SRGAP3: variants seen among roughly 807,000 people sequenced by gnomAD.
SRGAP3 encodes the protein SLIT-ROBO Rho GTPase activating protein 3, also known as SLIT-ROBO Rho GTPase-activating protein 3.
Under a neutral mutation model 121.1 loss-of-function variants are expected in SRGAP3, and 39 were observed. The observed-to-expected ratio is 0.32, with a 90% CI of 0.25 to 0.42. SRGAP3 has a LOEUF of 0.42. SRGAP3 is among the 10% of genes least tolerant of loss of function. The pLI is 1.00. For missense variants in SRGAP3, 1,213 were observed against 1,470.6 expected, an observed-to-expected ratio of 0.82 and a Z score of 2.86; for synonymous variants, 601 against 570.0, an observed-to-expected ratio of 1.05 and a Z score of -0.77.
In SRGAP3 at chr3:9,282,477, A is replaced by ATTTGT. The variant is rs1553566225; in HGVS notation, n.442+43528_442+43532dup. 2.0e-5 allele frequency among the ~76,000 whole-genome samples: 3 copies of ATTTGT among 151,698 alleles called. No homozygotes were observed. The South Asian group carries it at 6.2e-4, about 31-fold the overall frequency. On this transcript the variant is annotated intron_variant and non_coding_transcript_variant, in intron 3 of 3. Coordinates refer to the SRGAP3 transcript ENST00000490889. ...TTCTCCATTCAAGCTGTTATGATAT[A>ATTTGT]TTTGTTTTTGTTTTTGTTTTTGTTT...
intron 4 of SRGAP3, among the ~76,000 whole-genome samples, chr3:9,064,861 T>TAATAAATAAATAAATAAATA (rs58800068): frequency 1.3e-5 from 2 of 149,732 alleles, no homozygotes; most frequent in African/African-American, 4.9e-5. Flanking sequence ...TAAAAAATAA[T>TAATAAATAAATAAATAAATA]AATAAATAAA....
rs530056798 is a variant in SRGAP3, at chr3:9,011,784, T to G, written c.2148-1397A>C. Among the ~76,000 whole-genome samples the G allele has an allele frequency of 2.0e-5, 3 of 150,202 alleles. No homozygotes were observed. In the East Asian group the frequency reaches 5.9e-4, roughly 29 times the overall value. Reference sequence around the variant, plus strand: ...TTGAATGAATGAATGTTGTCTACTGTGCTGAGACCCTCAGCCAAGTCTCCT... The same window carrying G: ...TTGAATGAATGAATGTTGTCTACTGGGCTGAGACCCTCAGCCAAGTCTCCT... On this transcript the variant is annotated intron_variant, in intron 17 of 21. Coordinates refer to ENST00000383836, the MANE Select transcript of SRGAP3 (RefSeq NM_014850.4).
At chr3:9,328,886 T>C (rs1297194411) in intron 2 of SRGAP3, among the ~76,000 whole-genome samples, 1 of 152,188 alleles carries the variant, frequency 6.6e-6, no homozygotes, top group Non-Finnish European at 1.5e-5. Context: ...GAGCTAACTA[T>C]GACATAAACC....
intron 1 of SRGAP3, among the ~76,000 whole-genome samples, chr3:9,205,748 C>T (rs74818218): frequency 0.014 from 2,057 of 152,314 alleles, 35 homozygotes; most frequent in African/African-American, 0.046. Context: ...CATAGATAAA[C>T]AGATAAACAA....
chr3:9,003,735 T>C (rs896817568), intron 18 of SRGAP3, among the ~76,000 whole-genome samples: 2 of 152,058 alleles, frequency 1.3e-5, no homozygotes, highest in African/African-American at 4.8e-5. Flanking sequence ...AAACTAGGAA[T>C]AGAAGGGAAC....
At chr3:9,089,307 G>T (rs967801749) in intron 3 of SRGAP3, among the ~76,000 whole-genome samples, 6 of 85,132 alleles carry the variant, frequency 7.0e-5, no homozygotes, top group Admixed American at 3.4e-4. Context: ...GGGGGGGGGG[G>T]GCTGGAGGCT....
intron 3 of SRGAP3, among the ~76,000 whole-genome samples, chr3:9,275,142 T>A (rs1416126155): frequency 2.0e-5 from 3 of 152,192 alleles, no homozygotes; most frequent in Non-Finnish European, 4.4e-5. Flanking sequence ...GAAAAATTCT[T>A]GGGGAGACAA....
At chr3:9,248,202 A>G (rs1303829614) in intron 1 of SRGAP3, among the ~76,000 whole-genome samples, 1 of 152,182 alleles carries the variant, frequency 6.6e-6, no homozygotes, top group Non-Finnish European at 1.5e-5. Flanking sequence ...AAGCTGATGA[A>G]CCTAAACGCC....
chr3:9,251,552 C>T (rs934091322), upstream of SRGAP3, among the ~76,000 whole-genome samples: 2 of 152,192 alleles, frequency 1.3e-5, no homozygotes, highest in Non-Finnish European at 2.9e-5. Flanking sequence ...GGCTCTGCCA[C>T]GAGCCTTGAG....
intron 1 of SRGAP3, among the ~76,000 whole-genome samples, chr3:9,133,397 T>C (rs1301330378): frequency 1.3e-5 from 2 of 152,152 alleles, no homozygotes; most frequent in Non-Finnish European, 2.9e-5. Context: ...AGCGGGAGAA[T>C]TGCTTGAATC....
At chr3:9,165,564 C>A (rs1033470196) in intron 1 of SRGAP3, among the ~76,000 whole-genome samples, 1 of 152,188 alleles carries the variant, frequency 6.6e-6, no homozygotes, top group Non-Finnish European at 1.5e-5. Flanking sequence ...GATCACGTCA[C>A]CCCTCCTGCT....
rs577116589 is a variant in SRGAP3 at position 9,094,238 on chromosome 3, T to C, written c.423+10442A>G. Among the ~76,000 whole-genome samples the C allele has an allele frequency of 7.9e-5, 12 of 152,346 alleles. 1 individual carries two copies. The South Asian group carries it at 1.9e-3, about 24-fold the overall frequency. ...TCCAAGTTTTATAAAAATATCATAC[T>C]GTACCTTACTTTTTTCACCCAACAT... On this transcript the variant is annotated intron_variant, in intron 3 of 21. Coordinates refer to ENST00000383836, the MANE Select transcript of SRGAP3 (RefSeq NM_014850.4).
At chr3:9,260,460 T>G (rs1022156279) in intron 3 of SRGAP3, among the ~76,000 whole-genome samples, 7 of 152,096 alleles carry the variant, frequency 4.6e-5, no homozygotes, top group Non-Finnish European at 1.0e-4. Flanking sequence ...GAGCTTGGTG[T>G]GGGGAGGGGC....
chr3:9,292,624 A>G (rs1177824426), intron 3 of SRGAP3: 2 of 152,240 alleles, frequency 1.3e-5, no homozygotes, highest in Non-Finnish European at 2.9e-5. Flanking sequence ...AATCAAAGAC[A>G]ACGGTAACTG....
At chr3:9,334,749 A>G (rs983283103) in intron 1 of SRGAP3, among the ~76,000 whole-genome samples, 2 of 152,208 alleles carry the variant, frequency 1.3e-5, no homozygotes, top group African/African-American at 4.8e-5. Context: ...ATGGAAAGAA[A>G]AAAGCACTGA....
intron 1 of SRGAP3, among the ~76,000 whole-genome samples, chr3:9,144,480 C>T (rs1193110330): frequency 6.6e-6 from 1 of 152,236 alleles, no homozygotes; most frequent in Non-Finnish European, 1.5e-5. Flanking sequence ...CCACCCAAAT[C>T]TCAACTTAGA....
At chr3:9,281,326 C>G (rs1954672756) in intron 3 of SRGAP3, among the ~76,000 whole-genome samples, 1 of 152,202 alleles carries the variant, frequency 6.6e-6, no homozygotes, top group Non-Finnish European at 1.5e-5. Context: ...AGGTGAAACT[C>G]TCTCTGATCC....
chr3:9,048,372 C>A (rs1339077870), intron 9 of SRGAP3, among the ~76,000 whole-genome samples: 1 of 152,264 alleles, frequency 6.6e-6, no homozygotes, highest in African/African-American at 2.4e-5. Flanking sequence ...CTCCCCAGTG[C>A]CTAAAGCTGT....
intron 14 of SRGAP3, among the ~76,000 whole-genome samples, chr3:9,022,882 G>T (rs1469557531): frequency 3.9e-5 from 6 of 152,216 alleles, no homozygotes; most frequent in Admixed American, 1.3e-4. Context: ...ATTTAGTTCA[G>T]ACATTCTCTG....
Sources: gnomAD v4.1 joint callset for allele counts (sites outside exome capture counted in the v4.1 genomes callset) on GRCh38, gnomAD v4.1.1 for gene constraint, MANE v1.5 for transcripts, NCBI Gene and HGNC (gene_info 2026-07-23, HGNC 2026-07-21) for gene names.